ZNF469: variants seen among roughly 807,000 people sequenced by gnomAD.
ZNF469 encodes zinc finger protein 469.
In ZNF469, 1 loss-of-function variant was observed where a neutral mutation model predicts 1.0. The observed-to-expected ratio is 1.00, with a 90% CI of 0.35 to 4.73. The LOEUF is 4.73. Ranked by LOEUF, ZNF469 falls within the 30% of genes most tolerant of loss-of-function variation. The probability of loss-of-function intolerance (pLI) is 0.16; values close to 1 mark genes in which losing one functional copy is unlikely to be tolerated. For missense variants in ZNF469, 6,100 were observed against 5,356.3 expected, an observed-to-expected ratio of 1.14 and a Z score of -4.33; for synonymous variants, 2,703 against 2,363.4, an observed-to-expected ratio of 1.14 and a Z score of -4.17.
chr16:88,304,501 T>C, the ZNF469 span, among the ~76,000 whole-genome samples: 97,237 of 151,856 alleles, frequency 0.64, 31,196 homozygotes, highest in East Asian at 0.78. Context: ...TGACTTTTGG[T>C]GACAGACTCA....
Position 88,383,111 on chromosome 16 carries a change from C to A in ZNF469, c.-335C>A, listed in dbSNP as rs951437108. Among the ~76,000 whole-genome samples the A allele has an allele frequency of 6.0e-5, 9 of 149,720 alleles. No homozygotes were observed. The highest frequency in any genetic ancestry group is 1.2e-4 in the Non-Finnish European group (8 of 67,100). On this transcript the variant is annotated 5_prime_UTR_variant, in exon 1 of 3. Coordinates refer to ENST00000565624, the MANE Select transcript of ZNF469 (RefSeq NM_001367624.2). ...CGAGGCGCAGCGCGCGGCAGAGCGG[C>A]TCGGTGCCCGGCGGGCGGGCGGCCC...
intron 1 of ZNF469, among the ~76,000 whole-genome samples, chr16:88,408,340 C>T (rs1422338917): frequency 1.3e-5 from 2 of 152,182 alleles, no homozygotes; most frequent in African/African-American, 4.8e-5. Context: ...TTAGTAGAGA[C>T]GGGGTTTCGC....
chr16:88,385,952 G>T (rs760706943), intron 1 of ZNF469, among the ~76,000 whole-genome samples: 3 of 152,194 alleles, frequency 2.0e-5, no homozygotes, highest in East Asian at 1.9e-4. Flanking sequence ...AGGAGACTCC[G>T]TGGGACCTGT....
upstream of ZNF469, among the ~76,000 whole-genome samples, chr16:88,381,007 CACATGCGCTCACAG>C (rs2092521884): frequency 6.8e-6 from 1 of 147,604 alleles, no homozygotes; most frequent in Non-Finnish European, 1.5e-5. Flanking sequence ...TGCACTCACA[CACATGCGCTCACAG>C]ACATGCACTC....
At chr16:88,340,216 C>T in the ZNF469 span, among the ~76,000 whole-genome samples, 3 of 152,170 alleles carry the variant, frequency 2.0e-5, no homozygotes, top group Admixed American at 6.5e-5. Flanking sequence ...AAGGAGTTCA[C>T]CTGCAGAGCA....
the ZNF469 span, among the ~76,000 whole-genome samples, chr16:88,277,679 A>T: frequency 0.24 from 25,268 of 103,466 alleles, 4,733 homozygotes; most frequent in East Asian, 0.42. Flanking sequence ...TACCATGTAG[A>T]TATCAGTGCA....
the ZNF469 span, among the ~76,000 whole-genome samples, chr16:88,122,010 G>C: frequency 6.9e-6 from 1 of 144,084 alleles, no homozygotes; most frequent in East Asian, 1.9e-4. Flanking sequence ...GGCCACGGCG[G>C]CCACTCGGAT....
chr16:88,407,357 T>C (rs1358510915), intron 1 of ZNF469, among the ~76,000 whole-genome samples: 2 of 152,248 alleles, frequency 1.3e-5, no homozygotes, highest in African/African-American at 4.8e-5. Flanking sequence ...CGGTACCCTC[T>C]TCTCAGTGTT....
chr16:88,402,778 G>A (rs1181351578), intron 1 of ZNF469, among the ~76,000 whole-genome samples: 4 of 152,194 alleles, frequency 2.6e-5, no homozygotes, highest in East Asian at 3.9e-4. Context: ...CCTCTGATGA[G>A]CTGGGTTCAT....
chr16:88,267,654 G>T, the ZNF469 span, among the ~76,000 whole-genome samples: 1 of 151,942 alleles, frequency 6.6e-6, no homozygotes, highest in African/African-American at 2.4e-5. Context: ...CCCAGGTGTG[G>T]AGTGGGTCCC....
the ZNF469 span, among the ~76,000 whole-genome samples, chr16:88,112,839 A>G: frequency 2.5e-5 from 3 of 120,496 alleles, no homozygotes; most frequent in Non-Finnish European, 3.2e-5. Context: ...GTGCAGTGGC[A>G]CGATCTCAGC....
the ZNF469 span, among the ~76,000 whole-genome samples, chr16:88,132,526 A>T: frequency 6.6e-6 from 1 of 152,150 alleles, no homozygotes; most frequent in Non-Finnish European, 1.5e-5. Flanking sequence ...TCACAAACTC[A>T]TCTGAACTCA....
the ZNF469 span, among the ~76,000 whole-genome samples, chr16:88,298,052 C>T: frequency 6.6e-6 from 1 of 152,230 alleles, no homozygotes; most frequent in Non-Finnish European, 1.5e-5. Flanking sequence ...TCAAGTCCTT[C>T]TTCATCTTTT....
the ZNF469 span, among the ~76,000 whole-genome samples, chr16:88,112,070 T>G: frequency 2.4e-4 from 36 of 152,238 alleles, no homozygotes; most frequent in Non-Finnish European, 4.6e-4. Context: ...TGTCACATTT[T>G]CTTTATCTGT....
chr16:88,307,312 C>T, the ZNF469 span, among the ~76,000 whole-genome samples: 19,557 of 152,174 alleles, frequency 0.13, 1,325 homozygotes, highest in Middle Eastern at 0.22. Context: ...TTTGTGTACC[C>T]GTTTTTATGT....
At chr16:88,261,805 C>T in the ZNF469 span, among the ~76,000 whole-genome samples, 1 of 152,272 alleles carries the variant, frequency 6.6e-6, no homozygotes, top group East Asian at 1.9e-4. The surrounding 1 kb of genome is among the most constrained non-coding windows in gnomAD (Gnocchi z 6.0). Flanking sequence ...GCTGTAGAAA[C>T]CAAGAATTCC....
the ZNF469 span, among the ~76,000 whole-genome samples, chr16:88,267,885 G>A: frequency 2.0e-5 from 3 of 152,146 alleles, no homozygotes; most frequent in East Asian, 3.9e-4. Flanking sequence ...TCCTGAGTAA[G>A]CCGACCTTTC....
the ZNF469 span, among the ~76,000 whole-genome samples, chr16:88,311,301 G>A: frequency 2.0e-5 from 3 of 152,192 alleles, no homozygotes; most frequent in Non-Finnish European, 4.4e-5. Context: ...TTTTAAAGCT[G>A]AAACTGCAGG....
At chr16:88,321,442 G>A in the ZNF469 span, among the ~76,000 whole-genome samples, 1 of 151,386 alleles carries the variant, frequency 6.6e-6, no homozygotes, top group Non-Finnish European at 1.5e-5. Flanking sequence ...GATTGGATGT[G>A]GCCCTTGGCT....
Sources: allele counts gnomAD v4.1 joint callset (sites outside exome capture counted in the v4.1 genomes callset), GRCh38; gene constraint gnomAD v4.1.1; non-coding constraint Gnocchi (gnomAD v3.1); transcripts MANE v1.5; gene names NCBI Gene and HGNC (gene_info 2026-07-23, HGNC 2026-07-21).